Variants in GPR107 observed in about 807,000 individuals in gnomAD.
GPR107 encodes the protein protein GPR107.
Under a neutral mutation model 75.5 loss-of-function variants are expected in GPR107, and 31 were observed. The ratio of observed to expected loss-of-function variants is 0.41; its 90% CI spans 0.31 to 0.55. The LOEUF (loss-of-function observed/expected upper bound fraction) is 0.55, where lower values mean the gene tolerates loss of function less well. GPR107 is among the 20% of genes least tolerant of loss of function. The probability of loss-of-function intolerance (pLI) is 0.26; values close to 1 mark genes in which losing one functional copy is unlikely to be tolerated. For synonymous variants in GPR107, 267 were observed against 251.3 expected (o/e 1.06, Z -0.59); for missense variants, 572 against 665.7 (o/e 0.86, Z 1.55).
chr9:130,113,059 T>C, intron 14 of GPR107, among the ~76,000 whole-genome samples: 1 of 152,094 alleles, frequency 6.6e-6, no homozygotes, highest in East Asian at 1.9e-4. Flanking sequence ...CAAGCTGCTT[T>C]TATCTGGAAG....
At chr9:130,110,379 T>G (rs1457200562) in intron 14 of GPR107, 16 of 1,536,466 alleles carry the variant, frequency 1.0e-5, no homozygotes, top group Non-Finnish European at 1.4e-5. Context: ...GGTGACAGCA[T>G]GGGACCTCTT....
chr9:130,132,607 T>A (rs1831853522), intron 17 of GPR107, among the ~76,000 whole-genome samples: 1 of 152,036 alleles, frequency 6.6e-6, no homozygotes, highest in Non-Finnish European at 1.5e-5. Flanking sequence ...GCCAACATGG[T>A]GAAACCACAT....
chr9:130,055,683 A>C (rs564122685), intron 1 of GPR107, among the ~76,000 whole-genome samples: 26 of 151,098 alleles, frequency 1.7e-4, no homozygotes, highest in Non-Finnish European at 1.5e-5. Context: ...GGTGGCTCAC[A>C]CCTATAATCC....
intron 14 of GPR107, among the ~76,000 whole-genome samples, chr9:130,122,748 C>T (rs879878114): frequency 6.6e-6 from 1 of 152,174 alleles, no homozygotes; most frequent in Non-Finnish European, 1.5e-5. Context: ...TGAGGCCAGA[C>T]GCAGTGTCTC....
chr9:130,054,130 T>C (rs978708445), intron 1 of GPR107, 57 bp downstream of exon 1: 60 of 1,472,282 alleles, frequency 4.1e-5, no homozygotes, highest in Non-Finnish European at 5.2e-5. Flanking sequence ...CCCCGGGTTT[T>C]AGGGCAACTT....
intron 15 of GPR107, 31 bp downstream of exon 15, chr9:130,124,995 A>G (rs199637345): frequency 2.7e-6 from 3 of 1,122,492 alleles, no homozygotes; most frequent in Admixed American, 2.4e-5. Flanking sequence ...TCCTCAATCT[A>G]TAAATAAAAT....
chr9:130,103,764 C>T lies in GPR107; in HGVS notation c.1132-656C>T, dbSNP rs1437993829. On this transcript the variant is annotated intron_variant, in intron 12 of 17. Transcript: ENST00000347136. The surrounding 1 kb of genome is among the most constrained non-coding windows in gnomAD (Gnocchi z 4.3). ...CCAGCAGTCCAGCACCTGAGTGACT[C>T]CACTGGGTTTGGGGTACCTGAAAAG... 6.6e-6 allele frequency among the ~76,000 whole-genome samples: 1 copy of T among 152,210 alleles called. No homozygotes were observed. The highest frequency in any genetic ancestry group is 6.5e-5 in the Admixed American group (1 of 15,276).
At chr9:130,062,003 G>T (rs1004331324) in intron 1 of GPR107, among the ~76,000 whole-genome samples, 2 of 152,048 alleles carry the variant, frequency 1.3e-5, no homozygotes, top group African/African-American at 4.8e-5. Context: ...GGAAGAGGAA[G>T]TGAAAGAGAT....
At chr9:130,055,452 C>A (rs1829746392) in intron 1 of GPR107, among the ~76,000 whole-genome samples, 1 of 150,476 alleles carries the variant, frequency 6.6e-6, no homozygotes. Context: ...GGCGTGAACC[C>A]GGGAGGCGGA....
At position 130,076,474 on chromosome 9, in the gene GPR107, ATG is replaced by A; in HGVS notation, c.306+17_306+18del. 1 of 1,511,970 alleles carries A rather than the reference ATG, an allele frequency of 6.6e-7. No individual in the cohort carries two copies. Among genetic ancestry groups the A allele is most frequent in the Non-Finnish European group, 9.2e-7 (1 of 1,086,732 alleles). 93.7% of individuals were successfully genotyped at this position (1,511,970 alleles called of 1,614,324 possible). A position where few individuals can be genotyped will look rare whatever the true frequency, so the allele number is the denominator to read the frequency against. On this transcript the variant is annotated intron_variant, in intron 3 of 17. Coordinates refer to ENST00000347136, the MANE Select transcript of GPR107 (RefSeq NM_020960.5). The stretch of plus-strand genomic sequence containing the variant: ...TTTCTTCTTACCTGGTGAGTATTAA[ATG>A]TGTGACCTGATTCATCTCTTCACCT...
chr9:130,097,305 C>T lies in GPR107; in HGVS notation c.864-2152C>T, dbSNP rs936329299. Among the ~76,000 whole-genome samples the T allele has an allele frequency of 2.0e-5, 3 of 152,128 alleles. No homozygotes were observed. In the South Asian group the frequency reaches 6.2e-4, roughly 32 times the overall value. On this transcript the variant is annotated intron_variant, in intron 9 of 17. Coordinates refer to ENST00000347136, the MANE Select transcript of GPR107 (RefSeq NM_020960.5). ...GAGTAGCTGGGACTATAGGCATGTA[C>T]GCCCATGCCGGGCTAATTTTTGTAT...
intron 14 of GPR107, 57 bp downstream of exon 14, chr9:130,107,596 C>T (rs1238251562): frequency 1.0e-5 from 11 of 1,102,908 alleles, no homozygotes; most frequent in Admixed American, 3.4e-5. Flanking sequence ...CCACGTGCTG[C>T]GGCACTGCGG....
intron 1 of GPR107, among the ~76,000 whole-genome samples, chr9:130,075,010 C>T (rs1024242003): frequency 5.9e-5 from 9 of 151,480 alleles, no homozygotes; most frequent in Non-Finnish European, 1.3e-4. Context: ...CACATTTCAG[C>T]CAACCACTGA....
rs531489884 is a variant in GPR107, at chr9:130,082,275, A to G, written c.527-1290A>G. 1.0e-3 allele frequency among the ~76,000 whole-genome samples: 159 copies of G among 152,292 alleles called. 1 individual carries two copies. Among genetic ancestry groups the G allele is most frequent in the African/African-American group, 3.7e-3 (152 of 41,554 alleles). On this transcript the variant is annotated intron_variant, in intron 5 of 17. Coordinates refer to ENST00000347136, the MANE Select transcript of GPR107 (RefSeq NM_020960.5). ...TAAACTATGTCGTTCAGTCTGTCCA[A>G]CTTGACTGCAGTTAAAAGCCACACA...
intron 9 of GPR107, among the ~76,000 whole-genome samples, chr9:130,095,082 G>C (rs1435034592): frequency 1.3e-5 from 2 of 152,086 alleles, no homozygotes; most frequent in African/African-American, 4.8e-5. Context: ...CCTGATTTCA[G>C]GTGTGAACTT....
In GPR107 at chr9:130,108,369, C is replaced by T. The variant is rs376510416; in HGVS notation, c.1306+830C>T. 9.8e-5 allele frequency among the ~76,000 whole-genome samples: 15 copies of T among 152,332 alleles called. No homozygotes were observed. The East Asian group carries it at 2.5e-3, about 25-fold the overall frequency. ...TCTGATTATAAAGCCAATGTAGATT[C>T]ATTTTAGAAAATTCGGAAAATGCAT... On this transcript the variant is annotated intron_variant, in intron 14 of 17. Transcript: ENST00000347136.
intron 17 of GPR107, chr9:130,129,042 G>A (rs1831754383): frequency 3.3e-6 from 1 of 304,660 alleles, no homozygotes; most frequent in Non-Finnish European, 6.2e-6. Context: ...CAAGAACTTA[G>A]GAATATACGT....
At chr9:130,120,356 C>T (rs1033685825) in intron 14 of GPR107, among the ~76,000 whole-genome samples, 4 of 152,138 alleles carry the variant, frequency 2.6e-5, no homozygotes, top group Non-Finnish European at 5.9e-5. Context: ...GACGTGGCGA[C>T]GCATGATGCC....
chr9:130,085,844 A>T (rs524040), intron 6 of GPR107, among the ~76,000 whole-genome samples: 1 of 144,834 alleles, frequency 6.9e-6, no homozygotes, highest in Non-Finnish European at 1.5e-5. Flanking sequence ...TCCACCTCCC[A>T]GGTTCAAGCA....
Sources: gnomAD v4.1 joint callset for allele counts (sites outside exome capture counted in the v4.1 genomes callset) on GRCh38, gnomAD v4.1.1 for gene constraint, Gnocchi (gnomAD v3.1) non-coding constraint, MANE v1.5 for transcripts, NCBI Gene and HGNC (gene_info 2026-07-23, HGNC 2026-07-21) for gene names.